The following RP1 variants were observed in gnomAD, a reference collection of about 807,000 sequenced individuals.
The protein encoded by RP1 is oxygen-regulated protein 1.
In RP1, 16 loss-of-function variants were observed where a neutral mutation model predicts 14.8. The observed-to-expected ratio is 1.08, with a 90% CI of 0.73 to 1.65. RP1 has a LOEUF of 1.65. Among genes scored for constraint, RP1 ranks in the 40% most tolerant of loss-of-function variants. The pLI is 0.00. For missense variants in RP1, 2,631 were observed against 2,535.0 expected, an observed-to-expected ratio of 1.04 and a Z score of -0.81; for synonymous variants, 876 against 883.6, an observed-to-expected ratio of 0.99 and a Z score of 0.15.
At chr8:54,828,304 G>T (rs1368724316) in intron 24 of RP1, among the ~76,000 whole-genome samples, 3 of 152,176 alleles carry the variant, frequency 2.0e-5, no homozygotes, top group African/African-American at 7.2e-5. Context: ...TGACCCCCAG[G>T]GTTGGAGATG....
At chr8:54,850,484 T>C (rs111594333) in intron 25 of RP1, among the ~76,000 whole-genome samples, 1,955 of 152,334 alleles carry the variant, frequency 0.013, 52 homozygotes, top group African/African-American at 0.044. Flanking sequence ...ATAGAATGAA[T>C]ATTTGTTAGC....
intron 15 of RP1, among the ~76,000 whole-genome samples, chr8:54,710,349 G>A (rs895432438): frequency 6.6e-6 from 1 of 152,210 alleles, no homozygotes; most frequent in Admixed American, 6.5e-5. Context: ...CTCTGTGCAG[G>A]CCCCATGGCA....
At chr8:54,809,599 G>T (rs1265864699) in intron 24 of RP1, among the ~76,000 whole-genome samples, 1 of 150,626 alleles carries the variant, frequency 6.6e-6, no homozygotes, top group Non-Finnish European at 1.5e-5. Flanking sequence ...CATAAAAAAA[G>T]ACTGTTTCTT....
At chr8:54,767,038 T>C (rs1809777129) in intron 22 of RP1, among the ~76,000 whole-genome samples, 2 of 152,204 alleles carry the variant, frequency 1.3e-5, no homozygotes, top group African/African-American at 4.8e-5. Flanking sequence ...AGGCCTACTG[T>C]TTTATGGCAC....
chr8:54,592,359 G>A (rs1248856644), intron 1 of RP1, among the ~76,000 whole-genome samples: 2 of 152,168 alleles, frequency 1.3e-5, no homozygotes, highest in African/African-American at 4.8e-5. Flanking sequence ...TGCCAGGTTG[G>A]TATCACCTTA....
intron 7 of RP1, among the ~76,000 whole-genome samples, chr8:54,669,798 G>A (rs1013456518): frequency 2.1e-5 from 3 of 145,754 alleles, no homozygotes; most frequent in African/African-American, 7.5e-5. Context: ...AACACCGCAT[G>A]TTCTCACTCA....
At chr8:54,832,269 T>TTA (rs945469406) in intron 24 of RP1, among the ~76,000 whole-genome samples, 1 of 151,846 alleles carries the variant, frequency 6.6e-6, no homozygotes, top group Non-Finnish European at 1.5e-5. Flanking sequence ...AGGAGTCTAA[T>TTA]TATATATATG....
At chr8:54,707,596 T>C (rs1330698476) in intron 15 of RP1, among the ~76,000 whole-genome samples, 1 of 152,242 alleles carries the variant, frequency 6.6e-6, no homozygotes, top group African/African-American at 2.4e-5. Flanking sequence ...TAGTTTAAAT[T>C]AGATCTTCTG....
chr8:54,636,120 G>T (rs955364563), intron 3 of RP1, among the ~76,000 whole-genome samples: 2 of 152,158 alleles, frequency 1.3e-5, no homozygotes, highest in African/African-American at 4.8e-5. Flanking sequence ...GTCTCATTTG[G>T]CATAGATGCT....
chr8:54,569,264 T>C (rs1433629155), intron 1 of RP1, among the ~76,000 whole-genome samples: 15 of 152,218 alleles, frequency 9.9e-5, no homozygotes, highest in Non-Finnish European at 1.5e-5. Context: ...CCGAGAGGCC[T>C]TCTCAGTGAA....
intron 25 of RP1, among the ~76,000 whole-genome samples, chr8:54,847,836 A>T (rs114889521): frequency 0.013 from 1,943 of 152,284 alleles, 47 homozygotes; most frequent in African/African-American, 0.043. Context: ...ACAGCTAAGT[A>T]GCCCGCACTG....
At position 54,582,844 on chromosome 8, in the gene RP1, G is replaced by T. The variant is rs189557241; in HGVS notation, c.-13+23524G>T. On this transcript the variant is annotated intron_variant, in intron 1 of 22. Coordinates refer to the RP1 transcript ENST00000636932. ...GGAATGCTTGTGATTTTTGCACATT[G>T]ATTTTGTATCCTGAGACTTTGCTGA... 5.7e-3 allele frequency among the ~76,000 whole-genome samples: 873 copies of T among 152,276 alleles called. 6 individuals are homozygous for T. Among genetic ancestry groups the T allele is most frequent in the Non-Finnish European group, 8.7e-3 (591 of 68,024 alleles).
chr8:54,669,495 A>C (rs1298751263), intron 7 of RP1, among the ~76,000 whole-genome samples: 1 of 152,214 alleles, frequency 6.6e-6, no homozygotes, highest in Non-Finnish European at 1.5e-5. Context: ...TAGAACTAGA[A>C]ATACCACTTG....
intron 5 of RP1, among the ~76,000 whole-genome samples, chr8:54,654,593 A>G (rs1218987900): frequency 1.3e-5 from 2 of 152,218 alleles, no homozygotes; most frequent in Admixed American, 6.5e-5. Context: ...ATAAATGTGA[A>G]TTCCTGAACC....
chr8:54,698,862 G>T (rs1807938547), intron 12 of RP1, among the ~76,000 whole-genome samples: 1 of 152,058 alleles, frequency 6.6e-6, no homozygotes, highest in African/African-American at 2.4e-5. Flanking sequence ...CATAGGGAGG[G>T]GAACATCACA....
intron 18 of RP1, among the ~76,000 whole-genome samples, chr8:54,735,911 A>G (rs1432494456): frequency 6.6e-6 from 1 of 152,170 alleles, no homozygotes; most frequent in Non-Finnish European, 1.5e-5. Context: ...CTTAGGGTCA[A>G]ATCTTGGAAT....
In RP1 at chr8:54,609,628, C is replaced by T. The variant is rs76301450; in HGVS notation, c.-12-11327C>T. The stretch of plus-strand genomic sequence containing the variant: ...CTTTCATTCCACTGGGTGACTATTT[C>T]ACAGCTTCTCCTGTCTCATTAGATT... On this transcript the variant is annotated intron_variant, in intron 1 of 22. Transcript: ENST00000636932. 4.1e-3 allele frequency among the ~76,000 whole-genome samples: 620 copies of T among 152,282 alleles called. 8 individuals carry two copies. The highest frequency in any genetic ancestry group is 0.013 in the African/African-American group (547 of 41,554).
chr8:54,696,723 G>GACTTCGCCTAAAGAAAATGTTT (rs1807873720), intron 12 of RP1: 1 of 723,776 alleles, frequency 1.4e-6, no homozygotes, highest in Non-Finnish European at 2.5e-6. Context: ...ACCACTTCAA[G>GACTTCGCCTAAAGAAAATGTTT]ACTTCGCCTA....
chr8:54,743,498 CA>C (rs1327589316), intron 19 of RP1, among the ~76,000 whole-genome samples: 1 of 152,118 alleles, frequency 6.6e-6, no homozygotes, highest in Non-Finnish European at 1.5e-5. Flanking sequence ...CTCTCCATTT[CA>C]AAATTTCATT....
Sources: allele counts gnomAD v4.1 joint callset (sites outside exome capture counted in the v4.1 genomes callset), GRCh38; gene constraint gnomAD v4.1.1; transcripts MANE v1.5; gene names NCBI Gene and HGNC (gene_info 2026-07-23, HGNC 2026-07-21).